Variants in NDST3 observed in about 807,000 individuals in gnomAD.
NDST3 encodes the protein bifunctional heparan sulfate N-deacetylase/N-sulfotransferase 3.
A neutral mutation model predicts 96.1 loss-of-function variants in NDST3; 58 were observed. The observed-to-expected ratio is 0.60, with a 90% CI of 0.49 to 0.75. NDST3 has a LOEUF of 0.75. Among genes scored for constraint, NDST3 ranks in the 30% least tolerant of loss-of-function variants. The probability of loss-of-function intolerance (pLI) is 0.00; values close to 1 mark genes in which losing one functional copy is unlikely to be tolerated. For missense variants in NDST3, 788 were observed against 1,034.2 expected (o/e 0.76, Z 3.27); for synonymous variants, 333 against 359.7 (o/e 0.93, Z 0.84).
intron 6 of NDST3, among the ~76,000 whole-genome samples, chr4:118,182,965 A>T (rs1736699839): frequency 6.6e-6 from 1 of 152,170 alleles, no homozygotes; most frequent in Admixed American, 6.6e-5. Context: ...AACAGAAAAC[A>T]AGGCAGCATC....
intron 6 of NDST3, among the ~76,000 whole-genome samples, chr4:118,146,337 AGATAGAT>A (rs1001583268): frequency 3.3e-5 from 5 of 152,244 alleles, no homozygotes; most frequent in African/African-American, 9.6e-5. Flanking sequence ...TACTACAAAA[AGATAGAT>A]GTGTATTGGA....
intron 2 of NDST3, among the ~76,000 whole-genome samples, chr4:118,058,126 T>C (rs543273287): frequency 2.6e-5 from 4 of 152,090 alleles, no homozygotes; most frequent in Non-Finnish European, 4.4e-5. Flanking sequence ...ATTTGAAGTA[T>C]TGGGAAAATT....
intron 6 of NDST3, among the ~76,000 whole-genome samples, chr4:118,185,905 C>T (rs892641912): frequency 6.6e-6 from 1 of 152,292 alleles, no homozygotes. Context: ...TTATGCTAAA[C>T]TTAACAATTT....
At chr4:118,138,825 T>C (rs948733667) in intron 5 of NDST3, among the ~76,000 whole-genome samples, 1 of 152,186 alleles carries the variant, frequency 6.6e-6, no homozygotes, top group African/African-American at 2.4e-5. Flanking sequence ...CAAATGTATA[T>C]TGTCAAAATA....
chr4:118,041,033 C>A (rs972529354), intron 1 of NDST3, among the ~76,000 whole-genome samples: 5 of 151,712 alleles, frequency 3.3e-5, no homozygotes, highest in African/African-American at 9.7e-5. Flanking sequence ...TAGGGGTGAG[C>A]CCCTGCACCC....
At position 118,107,805 on chromosome 4, in the gene NDST3, T is replaced by C. The variant is rs567466174; in HGVS notation, c.1069+2700T>C. 3.8e-3 allele frequency among the ~76,000 whole-genome samples: 575 copies of C among 152,308 alleles called. 3 individuals carry two copies. Among genetic ancestry groups the C allele is most frequent in the African/African-American group, 0.013 (545 of 41,574 alleles). ...AATGACGCTAAAATTAAGTATTTTT[T>C]ATATAAAGGGCTATTAATACAAGTA... On this transcript the variant is annotated intron_variant, in intron 3 of 13. Transcript: ENST00000296499.
chr4:118,156,346 A>G (rs948017313), intron 6 of NDST3, among the ~76,000 whole-genome samples: 1 of 152,210 alleles, frequency 6.6e-6, no homozygotes, highest in African/African-American at 2.4e-5. Flanking sequence ...CTGTGTTCTC[A>G]TGGTACTCAG....
chr4:118,066,480 T>C (rs1295360423), intron 2 of NDST3, among the ~76,000 whole-genome samples: 5 of 17,326 alleles, frequency 2.9e-4, no homozygotes, highest in East Asian at 2.2e-3. Flanking sequence ...TGTTATATAT[T>C]ATATATACAT....
intron 4 of NDST3, among the ~76,000 whole-genome samples, chr4:118,118,165 T>C (rs1731272520): frequency 6.6e-6 from 1 of 152,250 alleles, no homozygotes; most frequent in Non-Finnish European, 1.5e-5. Flanking sequence ...GTTTAACCTG[T>C]GCTAATATGG....
In NDST3 at chr4:118,055,011, C is replaced by T. The variant is rs774176085; in HGVS notation, c.981+120C>T. On this transcript the variant is annotated intron_variant, in intron 2 of 13. Transcript: ENST00000296499. ...ATGGGATTTACTGGGAAAGTCTGGG[C>T]AATCTAGGATTATCGCTCACCCTAA... 7.4e-5 allele frequency: 93 copies of T among 1,255,286 alleles called. No homozygotes were observed. In the Admixed American group the frequency reaches 1.0e-3, roughly 14 times the overall value. The allele number at this position is 1,255,286 out of a possible 1,614,324, so 77.8% of individuals were successfully genotyped here.
chr4:118,220,576 T>C (rs991867533), intron 6 of NDST3, among the ~76,000 whole-genome samples: 2 of 151,996 alleles, frequency 1.3e-5, no homozygotes, highest in African/African-American at 2.4e-5. Flanking sequence ...GTAACAAACC[T>C]ACACGTTCTG....
chr4:118,201,156 A>G (rs1263369037), intron 6 of NDST3, among the ~76,000 whole-genome samples: 1 of 152,192 alleles, frequency 6.6e-6, no homozygotes, highest in Non-Finnish European at 1.5e-5. Context: ...TGGTGTGTAT[A>G]TACAGCATTT....
intron 6 of NDST3, among the ~76,000 whole-genome samples, chr4:118,157,837 A>G (rs940223798): frequency 6.6e-6 from 1 of 152,212 alleles, no homozygotes; most frequent in Admixed American, 6.5e-5. Context: ...AAATAAACCT[A>G]ACATGGATGT....
chr4:118,123,980 C>G (rs1731827793), intron 4 of NDST3, among the ~76,000 whole-genome samples: 1 of 152,020 alleles, frequency 6.6e-6, no homozygotes, highest in Non-Finnish European at 1.5e-5. Context: ...GAATTTCTTA[C>G]TACGTTTGGC....
Position 118,114,796 on chromosome 4 carries a change from C to CT in NDST3, c.1070-10_1070-9insT. 22 of 1,612,602 alleles carry CT rather than the reference C, an allele frequency of 1.4e-5. No individual in the cohort carries two copies. The highest frequency in any genetic ancestry group is 1.8e-5 in the Non-Finnish European group (21 of 1,179,214). On this transcript the variant is annotated splice_polypyrimidine_tract_variant and intron_variant, in intron 3 of 13. Transcript: ENST00000296499. ...CTGGAATTAATTGGATAATATTTCC[C>CT]CCCCTAAAGGAACTGAAGAGGAAGA...
chr4:118,080,834 G>T (rs568251402), intron 2 of NDST3, among the ~76,000 whole-genome samples: 3 of 152,198 alleles, frequency 2.0e-5, no homozygotes, highest in Non-Finnish European at 4.4e-5. Context: ...GAATTATTTT[G>T]CTCTAAGGAA....
At chr4:118,059,917 CTTAT>C (rs1175988652) in intron 2 of NDST3, among the ~76,000 whole-genome samples, 5 of 152,200 alleles carry the variant, frequency 3.3e-5, no homozygotes, top group African/African-American at 9.6e-5. Flanking sequence ...TTTCTTATCT[CTTAT>C]TTACTGATAT....
chr4:118,035,696 C>CT (rs1724113311), intron 1 of NDST3, among the ~76,000 whole-genome samples: 1 of 151,576 alleles, frequency 6.6e-6, no homozygotes, highest in Admixed American at 6.6e-5. Flanking sequence ...AAGATAAGCT[C>CT]TTTTTTTTCT....
At chr4:118,067,785 A>T (rs1726714599) in intron 2 of NDST3, among the ~76,000 whole-genome samples, 1 of 152,058 alleles carries the variant, frequency 6.6e-6, no homozygotes, top group Admixed American at 6.6e-5. Context: ...GAAGAGCATC[A>T]GGACAAATAG....
Sources: allele counts gnomAD v4.1 joint callset (sites outside exome capture counted in the v4.1 genomes callset), GRCh38; gene constraint gnomAD v4.1.1; transcripts MANE v1.5; gene names NCBI Gene and HGNC (gene_info 2026-07-23, HGNC 2026-07-21).